Variants in ANKRD45 observed in about 807,000 individuals in gnomAD.
ANKRD45 encodes the protein ankyrin repeat domain-containing protein 45.
ANKRD45 carries 21 observed loss-of-function variants against 28.1 expected under a neutral mutation model. The ratio of observed to expected loss-of-function variants is 0.75; its 90% CI spans 0.53 to 1.08. The LOEUF (loss-of-function observed/expected upper bound fraction) is 1.08, where lower values mean the gene tolerates loss of function less well. Ranked by LOEUF, ANKRD45 falls within the 50% of genes least tolerant of loss-of-function variation. The probability of loss-of-function intolerance (pLI) is 0.00; values close to 1 mark genes in which losing one functional copy is unlikely to be tolerated. For synonymous variants in ANKRD45, 86 were observed against 103.9 expected (o/e 0.83, Z 1.05); for missense variants, 261 against 308.7 (o/e 0.85, Z 1.16).
chr1:173,704,015 C>A, the ANKRD45 span, among the ~76,000 whole-genome samples: 5 of 152,224 alleles, frequency 3.3e-5, no homozygotes, highest in Non-Finnish European at 4.4e-5. Flanking sequence ...ATGTCCCTAG[C>A]AGGGTTATGT....
At chr1:173,673,092 A>G (rs1670308171), upstream of ANKRD45, among the ~76,000 whole-genome samples, 1 of 151,916 alleles carries the variant, frequency 6.6e-6, no homozygotes, top group Admixed American at 6.6e-5. Context: ...ATTATTGTAT[A>G]AAAAACTACA....
intron 3 of ANKRD45, chr1:173,636,882 TCAA>T (rs1156673091): frequency 6.5e-7 from 1 of 1,535,878 alleles, no homozygotes; most frequent in Admixed American, 2.0e-5. Context: ...AGCCCATTGA[TCAA>T]CAACATTGAC....
the ANKRD45 span, among the ~76,000 whole-genome samples, chr1:173,696,914 C>T: frequency 1.1e-4 from 17 of 151,972 alleles, no homozygotes; most frequent in East Asian, 3.3e-3. Context: ...AGCTAAAAAC[C>T]TTGAAAAAAG....
rs183117553 is a variant in ANKRD45, at chr1:173,633,509, G to C, written c.497-6350C>G. Among the ~76,000 whole-genome samples the C allele has an allele frequency of 5.3e-5, 8 of 151,944 alleles. No individual in the cohort carries two copies. In the East Asian group the frequency reaches 1.5e-3, roughly 29 times the overall value. Reference sequence around the variant, plus strand: ...AAAAAACAATACTAAAATTTTTATGGAACCACAAAAGCCCCAGAATAGCCA... The same window carrying C: ...AAAAAACAATACTAAAATTTTTATGCAACCACAAAAGCCCCAGAATAGCCA... On this transcript the variant is annotated intron_variant, in intron 3 of 5. Coordinates refer to ENST00000333279, the MANE Select transcript of ANKRD45 (RefSeq NM_198493.3).
chr1:173,668,979 T>C (rs1266477555), intron 1 of ANKRD45, among the ~76,000 whole-genome samples: 1 of 152,238 alleles, frequency 6.6e-6, no homozygotes, highest in Non-Finnish European at 1.5e-5. Context: ...TAAATAAGTG[T>C]AGAAAAATCT....
At chr1:173,645,825 C>T (rs1053550375) in intron 3 of ANKRD45, among the ~76,000 whole-genome samples, 1 of 152,146 alleles carries the variant, frequency 6.6e-6, no homozygotes, top group Non-Finnish European at 1.5e-5. Context: ...TCTTCAAGGC[C>T]CAGCTCAAGC....
chr1:173,712,208 C>G, the ANKRD45 span, among the ~76,000 whole-genome samples: 1 of 152,164 alleles, frequency 6.6e-6, no homozygotes, highest in East Asian at 1.9e-4. Flanking sequence ...TTATACCCAA[C>G]CAATTGGCAA....
chr1:173,688,897 T>C, the ANKRD45 span, among the ~76,000 whole-genome samples: 1 of 152,104 alleles, frequency 6.6e-6, no homozygotes, highest in African/African-American at 2.4e-5. Flanking sequence ...TCCCCTCTCC[T>C]TCCCCTTTTA....
the ANKRD45 span, among the ~76,000 whole-genome samples, chr1:173,680,200 A>G: frequency 6.6e-6 from 1 of 152,196 alleles, no homozygotes; most frequent in Admixed American, 6.5e-5. Flanking sequence ...TATACAACCA[A>G]AGGATTATAA....
chr1:173,640,009 C>T (rs1326895445), intron 3 of ANKRD45, among the ~76,000 whole-genome samples: 1 of 152,162 alleles, frequency 6.6e-6, no homozygotes, highest in Non-Finnish European at 1.5e-5. Flanking sequence ...AAGGATGAAT[C>T]AGACTTTAAA....
intron 5 of ANKRD45, among the ~76,000 whole-genome samples, chr1:173,620,317 T>G (rs1222036754): frequency 6.6e-6 from 1 of 152,154 alleles, no homozygotes; most frequent in African/African-American, 2.4e-5. Flanking sequence ...ACCACACAAC[T>G]GCATGGAAAT....
chr1:173,643,779 C>T (rs1668805729), intron 3 of ANKRD45, among the ~76,000 whole-genome samples: 6 of 151,734 alleles, frequency 4.0e-5, no homozygotes. Flanking sequence ...AACATATCTG[C>T]CATCATTATA....
intron 1 of ANKRD45, among the ~76,000 whole-genome samples, chr1:173,662,294 T>A (rs1353258529): frequency 6.6e-6 from 1 of 152,116 alleles, no homozygotes; most frequent in Non-Finnish European, 1.5e-5. Flanking sequence ...GTAAAGAAAA[T>A]AAATAGGATA....
chr1:173,693,184 C>G, the ANKRD45 span, among the ~76,000 whole-genome samples: 1 of 151,998 alleles, frequency 6.6e-6, no homozygotes, highest in African/African-American at 2.4e-5. Context: ...CCTGTAATCT[C>G]AGCTACTTGG....
intron 1 of ANKRD45, among the ~76,000 whole-genome samples, chr1:173,664,205 A>C (rs988954864): frequency 3.3e-5 from 5 of 152,232 alleles, no homozygotes; most frequent in African/African-American, 1.2e-4. Flanking sequence ...CATATGTCCC[A>C]ATGTATGCAG....
the ANKRD45 span, among the ~76,000 whole-genome samples, chr1:173,709,048 A>G: frequency 2.6e-5 from 4 of 152,230 alleles, no homozygotes; most frequent in Non-Finnish European, 4.4e-5. Context: ...TAATTTCACC[A>G]GCTTTGTGTC....
chr1:173,684,058 C>T, the ANKRD45 span, among the ~76,000 whole-genome samples: 2 of 152,064 alleles, frequency 1.3e-5, no homozygotes, highest in African/African-American at 4.8e-5. Context: ...TGGCAGAAGT[C>T]AGGGCAGAGC....
At chr1:173,668,741 G>A (rs1231495036) in intron 1 of ANKRD45, among the ~76,000 whole-genome samples, 1 of 152,182 alleles carries the variant, frequency 6.6e-6, no homozygotes, top group African/African-American at 2.4e-5. Flanking sequence ...AAAGGAACCA[G>A]ATCAGTCATA....
In ANKRD45 at chr1:173,623,310, G is replaced by GA. The variant is rs1219913580; in HGVS notation, c.730+1476dup. ...AGTGACAAGAGTGAGACTCCGCCTC[G>GA]AAAAAAAAAAAAACACATTCATGTA... On this transcript the variant is annotated intron_variant, in intron 5 of 5. Transcript: ENST00000333279. 9.6e-3 allele frequency among the ~76,000 whole-genome samples: 1,059 copies of GA among 110,166 alleles called. 2 individuals are homozygous for GA. The highest frequency in any genetic ancestry group is 0.019 in the Middle Eastern group (4 of 216). 72.3% of individuals were successfully genotyped at this position (110,166 alleles called of 152,430 possible).
Sources: gnomAD v4.1 joint callset for allele counts (sites outside exome capture counted in the v4.1 genomes callset) on GRCh38, gnomAD v4.1.1 for gene constraint, MANE v1.5 for transcripts, NCBI Gene and HGNC (gene_info 2026-07-23, HGNC 2026-07-21) for gene names.